The following PDS5A variants were observed in gnomAD, a reference collection of about 807,000 sequenced individuals.
The protein encoded by PDS5A is sister chromatid cohesion protein PDS5 homolog A.
Under a neutral mutation model 167.1 loss-of-function variants are expected in PDS5A, and 42 were observed. The ratio of observed to expected loss-of-function variants is 0.25; its 90% CI spans 0.20 to 0.33. PDS5A has a LOEUF of 0.33. Ranked by LOEUF, PDS5A falls within the 10% of genes least tolerant of loss-of-function variation. The pLI is 1.00. For synonymous variants in PDS5A, 553 were observed against 554.6 expected, an observed-to-expected ratio of 1.00 and a Z score of 0.04; for missense variants, 1,033 against 1,605.9, an observed-to-expected ratio of 0.64 and a Z score of 6.10.
chr4:39,929,463 C>G (rs7672261), intron 2 of PDS5A, among the ~76,000 whole-genome samples: 102,933 of 145,482 alleles, frequency 0.71, 37,848 homozygotes, highest in Middle Eastern at 0.86. Context: ...GGCTCTCCTT[C>G]CTTCTCAGCT....
intron 17 of PDS5A, among the ~76,000 whole-genome samples, chr4:39,890,013 G>A (rs947838167): frequency 6.6e-6 from 1 of 152,112 alleles, no homozygotes; most frequent in Non-Finnish European, 1.5e-5. Flanking sequence ...TTTCTTTAAT[G>A]AGAACGCATA....
rs987934473 is a variant in PDS5A, at chr4:39,890,507, C to T, written c.1771-143G>A. The T allele has an allele frequency of 3.2e-5, 18 of 554,596 alleles. 1 individual carries two copies. Among genetic ancestry groups the T allele is most frequent in the Admixed American group, 1.6e-4 (5 of 31,592 alleles). 34.4% of individuals were successfully genotyped at this position (554,596 alleles called of 1,614,324 possible). ...CTAGACCCTGACTAAAATTTTTACA[C>T]CCCGAGCAATGACTGAAAAATCTGG... On this transcript the variant is annotated intron_variant, in intron 16 of 32. Transcript: ENST00000303538.
intron 32 of PDS5A, among the ~76,000 whole-genome samples, chr4:39,830,330 C>G (rs1250521413): frequency 6.6e-6 from 1 of 152,182 alleles, no homozygotes; most frequent in Non-Finnish European, 1.5e-5. Context: ...GCTGGGACCA[C>G]AGGTGAATAC....
At position 39,898,442 on chromosome 4, in the gene PDS5A, A is replaced by G. The variant is rs1722606945; in HGVS notation, c.1717T>C (p.Leu573=). The change falls in exon 16 of 33, where the codon TTG becomes CTG. Residue 573 remains leucine, a synonymous_variant. Transcript: ENST00000303538. ...CAGGTTGGGCTAATTAATAACTCCAACTGAGACCGAAGTTTCTCATCATCG... is the reference window on the plus strand; with the variant it reads ...CAGGTTGGGCTAATTAATAACTCCAGCTGAGACCGAAGTTTCTCATCATCG... ...LGDDEKLRSQ[L]ELLISPTCSC... 6.3e-7 allele frequency: 1 copy of G among 1,597,362 alleles called. No homozygotes were observed. The highest frequency in any genetic ancestry group is 1.3e-5 in the African/African-American group (1 of 74,680).
chr4:39,972,235 C>G (rs2664206), intron 2 of PDS5A, among the ~76,000 whole-genome samples: 70,940 of 151,994 alleles, frequency 0.47, 16,873 homozygotes, highest in East Asian at 0.66. Flanking sequence ...TATTGAGACA[C>G]GGTTGGCTGG....
At chr4:39,904,804 C>T (rs1723189713) in intron 11 of PDS5A, among the ~76,000 whole-genome samples, 1 of 152,212 alleles carries the variant, frequency 6.6e-6, no homozygotes, top group African/African-American at 2.4e-5. Context: ...CCTAGAACTA[C>T]AGGTTACTGA....
At chr4:39,870,045 G>T (rs1719888687) in intron 21 of PDS5A, among the ~76,000 whole-genome samples, 1 of 152,058 alleles carries the variant, frequency 6.6e-6, no homozygotes, top group African/African-American at 2.4e-5. Context: ...GGAGGCAGAG[G>T]TTGCAGTGAG....
intron 29 of PDS5A, among the ~76,000 whole-genome samples, chr4:39,845,429 A>G (rs1443552568): frequency 2.6e-5 from 4 of 152,236 alleles, no homozygotes; most frequent in Non-Finnish European, 4.4e-5. Flanking sequence ...GGAACTATTT[A>G]CAAAAAACTA....
chr4:39,838,659 G>A (rs919882503), intron 31 of PDS5A, among the ~76,000 whole-genome samples: 5 of 151,902 alleles, frequency 3.3e-5, no homozygotes, highest in Non-Finnish European at 7.4e-5. Flanking sequence ...GGAGGTTGAG[G>A]CTACAGTAAG....
intron 11 of PDS5A, among the ~76,000 whole-genome samples, chr4:39,905,439 T>C (rs1286849047): frequency 6.6e-6 from 1 of 152,120 alleles, no homozygotes; most frequent in Non-Finnish European, 1.5e-5. Context: ...GCACCACTAA[T>C]TCCAGCTACT....
chr4:39,951,195 T>C (rs1250560832), intron 2 of PDS5A, among the ~76,000 whole-genome samples: 1 of 152,202 alleles, frequency 6.6e-6, no homozygotes, highest in Non-Finnish European at 1.5e-5. Flanking sequence ...ATCTGGCCTC[T>C]GTTCTGCCTC....
intron 18 of PDS5A, among the ~76,000 whole-genome samples, chr4:39,878,003 AC>A (rs1345048033): frequency 1.3e-5 from 2 of 152,222 alleles, no homozygotes; most frequent in Non-Finnish European, 2.9e-5. Context: ...CCTTATTATA[AC>A]ACCAGCACGA....
chr4:39,946,850 T>A (rs888698498), intron 2 of PDS5A, among the ~76,000 whole-genome samples: 5 of 152,102 alleles, frequency 3.3e-5, no homozygotes, highest in African/African-American at 1.2e-4. Flanking sequence ...GAGGTGTGGA[T>A]TGCAGTGAGC....
At chr4:39,877,411 T>C (rs1720551633) in intron 18 of PDS5A, among the ~76,000 whole-genome samples, 1 of 152,178 alleles carries the variant, frequency 6.6e-6, no homozygotes. Flanking sequence ...CCTCTTAGTC[T>C]ACTCTGCTAC....
At chr4:39,852,515 C>T (rs1322815395) in intron 26 of PDS5A, among the ~76,000 whole-genome samples, 1 of 152,084 alleles carries the variant, frequency 6.6e-6, no homozygotes, top group Non-Finnish European at 1.5e-5. Flanking sequence ...TCAATGAATG[C>T]TCACTTCACC....
At chr4:39,866,506 C>T (rs1452630965) in intron 23 of PDS5A, among the ~76,000 whole-genome samples, 1 of 152,170 alleles carries the variant, frequency 6.6e-6, no homozygotes, top group Non-Finnish European at 1.5e-5. Context: ...AAGGCAGGGA[C>T]TTTTCCTACT....
At chr4:39,896,054 A>G (rs1722386450) in intron 16 of PDS5A, among the ~76,000 whole-genome samples, 1 of 140,296 alleles carries the variant, frequency 7.1e-6, no homozygotes, top group South Asian at 2.3e-4. Flanking sequence ...TTTTAAAAAA[A>G]TTTTTGGAGA....
In PDS5A at chr4:39,833,995, C is replaced by T. The variant is rs147498271; in HGVS notation, c.4010+3861G>A. ...CGATCAAGATCCTGAAGCACTTATT[C>T]GAAGAACTGCAATAGGAACTGAAAC... On this transcript the variant is annotated intron_variant, in intron 32 of 32. Coordinates refer to ENST00000303538, the MANE Select transcript of PDS5A (RefSeq NM_001100399.2). Among the ~76,000 whole-genome samples the T allele has an allele frequency of 9.9e-4, 150 of 152,190 alleles. 1 individual carries two copies. The highest frequency in any genetic ancestry group is 3.5e-3 in the African/African-American group (146 of 41,526).
intron 30 of PDS5A, among the ~76,000 whole-genome samples, chr4:39,842,511 A>T (rs1244616362): frequency 6.6e-6 from 1 of 152,184 alleles, no homozygotes; most frequent in Non-Finnish European, 1.5e-5. Flanking sequence ...AAACCATGTT[A>T]ACTGATTTCA....
Sources: allele counts gnomAD v4.1 joint callset (sites outside exome capture counted in the v4.1 genomes callset), GRCh38; gene constraint gnomAD v4.1.1; transcripts MANE v1.5; gene names NCBI Gene and HGNC (gene_info 2026-07-23, HGNC 2026-07-21).